DCLK2: variants seen among roughly 807,000 people sequenced by gnomAD.
DCLK2 encodes doublecortin like kinase 2.
In DCLK2, 31 loss-of-function variants were observed where a neutral mutation model predicts 78.4. The observed-to-expected ratio is 0.40, with a 90% confidence interval of 0.30 to 0.53. DCLK2 has a LOEUF of 0.53. DCLK2 is among the 20% of genes least tolerant of loss of function. The probability of loss-of-function intolerance (pLI) is 0.61; values close to 1 mark genes in which losing one functional copy is unlikely to be tolerated. For synonymous variants in DCLK2, 407 were observed against 374.9 expected, an observed-to-expected ratio of 1.09 and a Z score of -0.99; for missense variants, 872 against 973.7, an observed-to-expected ratio of 0.90 and a Z score of 1.39.
At chr4:150,112,011 T>C (rs1408526609) in intron 2 of DCLK2, among the ~76,000 whole-genome samples, 1 of 152,200 alleles carries the variant, frequency 6.6e-6, no homozygotes, top group Non-Finnish European at 1.5e-5. Flanking sequence ...AAAAATGATA[T>C]TGGTATTTTC....
chr4:150,119,681 G>A (rs1421560657), intron 2 of DCLK2, among the ~76,000 whole-genome samples: 2 of 151,940 alleles, frequency 1.3e-5, no homozygotes, highest in Non-Finnish European at 2.9e-5. Context: ...AAAGCTAGTT[G>A]ACTAGCATGT....
rs1743585787 is a variant in DCLK2 at position 150,249,498 on chromosome 4, T to G, written c.1957-70T>G. 20 of 1,365,364 alleles carry G rather than the reference T, an allele frequency of 1.5e-5. No homozygotes were observed. The South Asian group carries it at 2.1e-4, about 14-fold the overall frequency. 84.6% of individuals were successfully genotyped at this position (1,365,364 alleles called of 1,614,324 possible). On this transcript the variant is annotated intron_variant, in intron 14 of 15. Coordinates refer to ENST00000296550, the MANE Select transcript of DCLK2 (RefSeq NM_001040260.4). ...GGGTGGTTGAGGCGGGGAGGGGGACTCTTAAGGAAAAGACAACTCAAACGG... is the reference window on the plus strand; with the variant it reads ...GGGTGGTTGAGGCGGGGAGGGGGACGCTTAAGGAAAAGACAACTCAAACGG...
At chr4:150,187,507 A>T (rs1360335141) in intron 2 of DCLK2, among the ~76,000 whole-genome samples, 2 of 151,662 alleles carry the variant, frequency 1.3e-5, no homozygotes, top group Non-Finnish European at 2.9e-5. Context: ...TTTCCTGACC[A>T]CCCTCTTTAG....
intron 2 of DCLK2, among the ~76,000 whole-genome samples, chr4:150,104,335 C>G (rs1480929925): frequency 7.7e-6 from 1 of 130,132 alleles, no homozygotes; most frequent in African/African-American, 3.0e-5. Context: ...CTGCAGTGAG[C>G]TATGATTGTG....
intron 2 of DCLK2, among the ~76,000 whole-genome samples, chr4:150,177,380 A>G (rs961376292): frequency 6.6e-6 from 1 of 152,182 alleles, no homozygotes; most frequent in Non-Finnish European, 1.5e-5. Flanking sequence ...TTTAGGCCCA[A>G]ATGTCAAGCA....
rs34276664 is a variant in DCLK2 at position 150,104,394 on chromosome 4, T to TAAAAAAAAAAAAAAAAAAA, written c.756+1593_756+1611dup. Among the ~76,000 whole-genome samples the TAAAAAAAAAAAAAAAAAAA allele has an allele frequency of 9.4e-4, 28 of 29,752 alleles. 3 individuals are homozygous for TAAAAAAAAAAAAAAAAAAA. The highest frequency in any genetic ancestry group is 1.4e-3 in the Non-Finnish European group (25 of 18,196). 19.5% of individuals were successfully genotyped at this position (29,752 alleles called of 152,430 possible). A position where few individuals can be genotyped will look rare whatever the true frequency, so the allele number is the denominator to read the frequency against. ...TGGTGACAAAAAAGACCACATCTCC[T>TAAAAAAAAAAAAAAAAAAA]AAAAAAAAAAAAAAAAAAAAAAAAA... On this transcript the variant is annotated intron_variant, in intron 2 of 15. Coordinates refer to ENST00000296550, the MANE Select transcript of DCLK2 (RefSeq NM_001040260.4).
At chr4:150,110,660 A>C (rs961589605) in intron 2 of DCLK2, among the ~76,000 whole-genome samples, 11 of 152,058 alleles carry the variant, frequency 7.2e-5, no homozygotes, top group Admixed American at 7.2e-4. Context: ...CTGAGTCTCT[A>C]AAGTCCTTTT....
Position 150,220,759 on chromosome 4 carries a change from C to G in DCLK2, c.1113C>G (p.Asp371Glu), listed in dbSNP as rs1741127248. 1 of 1,613,748 alleles carries G rather than the reference C, an allele frequency of 6.2e-7. No individual in the cohort carries two copies. Among genetic ancestry groups the G allele is most frequent in the East Asian group, 2.2e-5 (1 of 44,876 alleles). ...ATGTAAACGGTGGACCTGAGCTTGA[C>G]CGTTGCATAAGTCCTGAAGGTAGTT... Reference protein sequence around the residue: ...SSNVNGGPELDRCISPEGVNG... With the variant: ...SSNVNGGPELERCISPEGVNG... The change falls in exon 6 of 16, where the codon GAC becomes GAG. Residue 371 changes from aspartate to glutamate, a missense_variant. Physicochemically the swap from Asp to Glu is conservative, Grantham distance 45 (BLOSUM62 2). This residue lies in a region of DCLK2 where 567 missense variants were observed against 593.4 expected (regional missense o/e 0.96). Coordinates refer to ENST00000296550, the MANE Select transcript of DCLK2 (RefSeq NM_001040260.4).
At chr4:150,175,714 A>G (rs1737038987) in intron 2 of DCLK2, 1 of 150,718 alleles carries the variant, frequency 6.6e-6, no homozygotes. Context: ...ATGAATGTAT[A>G]CAGTTGTAAT....
At chr4:150,132,931 A>G (rs1733426986) in intron 2 of DCLK2, among the ~76,000 whole-genome samples, 1 of 152,130 alleles carries the variant, frequency 6.6e-6, no homozygotes, top group Admixed American at 6.6e-5. Flanking sequence ...CCCAGCTAAC[A>G]TTTTGATCAA....
chr4:150,138,932 G>A (rs1378303014), intron 2 of DCLK2, among the ~76,000 whole-genome samples: 1 of 151,906 alleles, frequency 6.6e-6, no homozygotes, highest in Non-Finnish European at 1.5e-5. Context: ...CCAAAGTGCT[G>A]GGATTACAGG....
At position 150,221,659 on chromosome 4, in the gene DCLK2, C is replaced by T; in HGVS notation, c.1133-18C>T. On this transcript the variant is annotated intron_variant, in intron 6 of 15. Coordinates refer to ENST00000296550, the MANE Select transcript of DCLK2 (RefSeq NM_001040260.4). Reference sequence around the variant, plus strand: ...ATGCTGATGTTTTCTTTAGAATTTGCATTTATCCTTTTTGCAGGTGTGAAT... The same window carrying T: ...ATGCTGATGTTTTCTTTAGAATTTGTATTTATCCTTTTTGCAGGTGTGAAT... 6.5e-7 allele frequency: 1 copy of T among 1,535,964 alleles called. No individual in the cohort carries two copies. Among genetic ancestry groups the T allele is most frequent in the South Asian group, 1.2e-5 (1 of 81,882 alleles).
At chr4:150,179,871 A>G (rs1431746960) in intron 2 of DCLK2, among the ~76,000 whole-genome samples, 1 of 152,156 alleles carries the variant, frequency 6.6e-6, no homozygotes, top group Non-Finnish European at 1.5e-5. Flanking sequence ...TCAATTTCCA[A>G]ACATATTCAG....
At chr4:150,168,449 C>T (rs1736268027) in intron 2 of DCLK2, among the ~76,000 whole-genome samples, 1 of 152,130 alleles carries the variant, frequency 6.6e-6, no homozygotes, top group African/African-American at 2.4e-5. Flanking sequence ...TTCATTCCTG[C>T]TCTAAAGCTT....
intron 3 of DCLK2, among the ~76,000 whole-genome samples, chr4:150,195,605 GT>G (rs1738978311): frequency 7.1e-6 from 1 of 139,884 alleles, no homozygotes; most frequent in African/African-American, 2.7e-5. Flanking sequence ...AACTAAATAT[GT>G]TCTGGTTTAT....
At chr4:150,236,044 G>A (rs1014391754) in intron 10 of DCLK2, among the ~76,000 whole-genome samples, 4 of 152,028 alleles carry the variant, frequency 2.6e-5, no homozygotes, top group African/African-American at 4.8e-5. Flanking sequence ...GAAGAGGGTT[G>A]GTTTCTCATA....
chr4:150,240,047 A>G (rs1742798883), intron 11 of DCLK2, among the ~76,000 whole-genome samples, 172 bp downstream of exon 11: 1 of 152,048 alleles, frequency 6.6e-6, no homozygotes, highest in Admixed American at 6.5e-5. Flanking sequence ...CTGCTTGTGT[A>G]TACAGTGCCT....
intron 1 of DCLK2, among the ~76,000 whole-genome samples, chr4:150,081,794 C>A (rs1278644475): frequency 8.0e-5 from 12 of 149,704 alleles, no homozygotes; most frequent in Admixed American, 4.0e-4. Context: ...GAGTTCGAGA[C>A]CAGCCTGACA....
At chr4:150,151,520 A>G (rs1413244089) in intron 2 of DCLK2, among the ~76,000 whole-genome samples, 1 of 152,254 alleles carries the variant, frequency 6.6e-6, no homozygotes, top group African/African-American at 2.4e-5. Flanking sequence ...GGAAAGTAGC[A>G]TTTTGAATGC....
Sources: gnomAD v4.1 joint callset for allele counts (sites outside exome capture counted in the v4.1 genomes callset) on GRCh38, gnomAD v4.1.1 for gene constraint, gnomAD v4.1.1 regional missense constraint, MANE v1.5 for transcripts, NCBI Gene and HGNC (gene_info 2026-07-23, HGNC 2026-07-21) for gene names.